TIAM2: variants seen among roughly 807,000 people sequenced by gnomAD.
TIAM2 encodes the protein TIAM Rac1 associated GEF 2, also known as rho guanine nucleotide exchange factor TIAM2.
A neutral mutation model predicts 152.9 loss-of-function variants in TIAM2; 80 were observed. That is an observed-to-expected ratio of 0.52 (90% CI 0.44 to 0.63). The LOEUF is 0.63. Ranked by LOEUF, TIAM2 falls within the 30% of genes least tolerant of loss-of-function variation. The probability of loss-of-function intolerance (pLI) is 0.00; values close to 1 mark genes in which losing one functional copy is unlikely to be tolerated. For synonymous variants in TIAM2, 804 were observed against 838.0 expected (o/e 0.96, Z 0.70); for missense variants, 1,965 against 2,120.1 (o/e 0.93, Z 1.44).
intron 1 of TIAM2, among the ~76,000 whole-genome samples, chr6:155,054,399 T>G (rs773037778): frequency 2.6e-5 from 4 of 152,124 alleles, no homozygotes; most frequent in Non-Finnish European, 5.9e-5. Flanking sequence ...AATTACTGTC[T>G]CTTGGCACTA....
intron 15 of TIAM2, among the ~76,000 whole-genome samples, chr6:155,235,653 C>T (rs949801166): frequency 6.6e-6 from 1 of 152,238 alleles, no homozygotes; most frequent in Non-Finnish European, 1.5e-5. Context: ...AAGTAATCCT[C>T]ACCAACTCCC....
chr6:155,220,486 T>C (rs984769889), intron 15 of TIAM2, among the ~76,000 whole-genome samples: 1 of 152,180 alleles, frequency 6.6e-6, no homozygotes, highest in Admixed American at 6.5e-5. Flanking sequence ...CCAGTGCTTG[T>C]GTCTCCTGAT....
At chr6:155,070,940 A>G (rs75453819) in intron 1 of TIAM2, among the ~76,000 whole-genome samples, 5,714 of 152,080 alleles carry the variant, frequency 0.038, 371 homozygotes, top group African/African-American at 0.13. Context: ...GGGAAGTCAA[A>G]GTGGGTCGTT....
rs139274136 is a variant in TIAM2 at position 155,061,387 on chromosome 6, T to C, written c.-208-28902T>C. The stretch of plus-strand genomic sequence containing the variant: ...TTTTTTGTATCCATTTACCTATATA[T>C]ATATTAAAACCAATATGAGCTTCTA... On this transcript the variant is annotated intron_variant, in intron 1 of 26. Coordinates refer to ENST00000682666, the MANE Select transcript of TIAM2 (RefSeq NM_012454.4). Among the ~76,000 whole-genome samples, 101 of 148,028 alleles carry C rather than the reference T, an allele frequency of 6.8e-4. No individual in the cohort carries two copies. The East Asian group carries it at 0.019, about 28-fold the overall frequency.
At chr6:155,182,728 GAGAC>G (rs934142535) in intron 13 of TIAM2, among the ~76,000 whole-genome samples, 2 of 152,162 alleles carry the variant, frequency 1.3e-5, no homozygotes, top group African/African-American at 4.8e-5. Context: ...AAGAGAGTGT[GAGAC>G]AGACAGGCGG....
At chr6:155,222,621 A>C (rs113251030) in intron 15 of TIAM2, among the ~76,000 whole-genome samples, 887 of 80,014 alleles carry the variant, frequency 0.011, 9 homozygotes, top group African/African-American at 0.046. Flanking sequence ...AACAAACAAA[A>C]AAAAAAAACA....
intron 2 of TIAM2, among the ~76,000 whole-genome samples, chr6:155,117,520 G>A (rs561707750): frequency 1.3e-5 from 2 of 152,312 alleles, no homozygotes; most frequent in South Asian, 4.1e-4. Flanking sequence ...TCGGCTCGCT[G>A]CAACCTCCGC....
intron 2 of TIAM2, among the ~76,000 whole-genome samples, chr6:155,095,033 C>A (rs1373845169): frequency 6.6e-6 from 1 of 152,082 alleles, no homozygotes; most frequent in East Asian, 1.9e-4. Context: ...GGCAGCATAT[C>A]TTTTTTGCCT....
At chr6:155,148,799 A>T (rs1779879100) in intron 7 of TIAM2, among the ~76,000 whole-genome samples, 1 of 152,204 alleles carries the variant, frequency 6.6e-6, no homozygotes, top group African/African-American at 2.4e-5. Context: ...ACAGAGAAGC[A>T]CGTAACGAAA....
intron 1 of TIAM2, among the ~76,000 whole-genome samples, chr6:155,020,569 C>G (rs1776456584): frequency 6.6e-6 from 1 of 152,166 alleles, no homozygotes; most frequent in South Asian, 2.1e-4. Flanking sequence ...TCACATGATT[C>G]TCCTGCCTCA....
At chr6:155,177,002 T>C (rs1780776143) in intron 10 of TIAM2, 25 bp downstream of exon 10, 1 of 1,592,770 alleles carries the variant, frequency 6.3e-7, no homozygotes, top group Non-Finnish European at 8.5e-7. Flanking sequence ...TGCAGAAATA[T>C]ATTTCTGAAT....
At chr6:155,177,094 T>C in intron 10 of TIAM2, 117 bp downstream of exon 10, 1 of 921,688 alleles carries the variant, frequency 1.1e-6, no homozygotes, top group Non-Finnish European at 1.6e-6. Context: ...CCAGGGAACA[T>C]ATTAGCATAT....
At chr6:155,241,707 G>A (rs1421545408) in intron 16 of TIAM2, among the ~76,000 whole-genome samples, 1 of 152,180 alleles carries the variant, frequency 6.6e-6, no homozygotes, top group African/African-American at 2.4e-5. Flanking sequence ...GGGGAGAAAG[G>A]AAAGTTAGGA....
chr6:155,046,765 C>T (rs1161718127), intron 1 of TIAM2, among the ~76,000 whole-genome samples: 2 of 152,100 alleles, frequency 1.3e-5, no homozygotes, highest in African/African-American at 2.4e-5. Flanking sequence ...GTGCCTCTCT[C>T]GGGGAGACAG....
At chr6:155,236,478 C>G (rs934774095) in intron 15 of TIAM2, among the ~76,000 whole-genome samples, 2 of 152,096 alleles carry the variant, frequency 1.3e-5, no homozygotes, top group Non-Finnish European at 2.9e-5. Flanking sequence ...GCCTGGCCAA[C>G]ATGGCAAAAC....
intron 10 of TIAM2, 85 bp downstream of exon 10, chr6:155,177,062 A>G (rs1191197178): frequency 1.2e-5 from 16 of 1,380,544 alleles, no homozygotes; most frequent in Non-Finnish European, 1.6e-5. Flanking sequence ...TTCATGTGAT[A>G]TTCAAGGGCC....
intron 1 of TIAM2, among the ~76,000 whole-genome samples, chr6:155,004,641 G>A (rs1317027900): frequency 3.3e-5 from 5 of 152,042 alleles, no homozygotes; most frequent in South Asian, 2.1e-4. Flanking sequence ...TGATCTGCCC[G>A]CCTCGGTCTC....
At position 155,029,408 on chromosome 6, in the gene TIAM2, T is replaced by TAATA. The variant is rs1562295035; in HGVS notation, c.-209+33917_-209+33920dup. The stretch of plus-strand genomic sequence containing the variant: ...TGTTATATATATACTATAGTATATA[T>TAATA]AATATATACTATATATACTATAGTA... On this transcript the variant is annotated intron_variant, in intron 1 of 26. Coordinates refer to ENST00000682666, the MANE Select transcript of TIAM2 (RefSeq NM_012454.4). Among the ~76,000 whole-genome samples, 43 of 98,700 alleles carry TAATA rather than the reference T, an allele frequency of 4.4e-4. 4 individuals carry two copies. Among genetic ancestry groups the TAATA allele is most frequent in the Non-Finnish European group, 6.3e-4 (34 of 53,970 alleles). The allele number at this position is 98,700 out of a possible 152,430, so 64.8% of individuals were successfully genotyped here.
chr6:155,101,395 T>A (rs1284499779), intron 2 of TIAM2, among the ~76,000 whole-genome samples: 1 of 152,184 alleles, frequency 6.6e-6, no homozygotes, highest in African/African-American at 2.4e-5. Flanking sequence ...ATTGCCGAGG[T>A]TTTTTGCCCA....
Sources: gnomAD v4.1 joint callset for allele counts (sites outside exome capture counted in the v4.1 genomes callset) on GRCh38, gnomAD v4.1.1 for gene constraint, MANE v1.5 for transcripts, NCBI Gene and HGNC (gene_info 2026-07-23, HGNC 2026-07-21) for gene names.